GRIK2: variants seen among roughly 807,000 people sequenced by gnomAD.
GRIK2 encodes the protein glutamate ionotropic receptor kainate type subunit 2, also known as glutamate receptor ionotropic, kainate 2.
In GRIK2, 32 loss-of-function variants were observed where a neutral mutation model predicts 100.3. The observed-to-expected ratio is 0.32, with a 90% CI of 0.24 to 0.43. The LOEUF (loss-of-function observed/expected upper bound fraction) is 0.43. GRIK2 is among the 20% of genes least tolerant of loss of function. GRIK2 has a pLI of 1.00. For missense variants in GRIK2, 843 were observed against 1,114.9 expected, an observed-to-expected ratio of 0.76 and a Z score of 3.47; for synonymous variants, 417 against 389.4, an observed-to-expected ratio of 1.07 and a Z score of -0.83.
intron 2 of GRIK2, among the ~76,000 whole-genome samples, chr6:101,402,799 C>T (rs772783537): frequency 6.6e-6 from 1 of 152,196 alleles, no homozygotes; most frequent in Admixed American, 6.5e-5. Flanking sequence ...GCGGCGGGCA[C>T]AGGGCATCCA....
At chr6:101,437,400 T>G (rs1392170311) in intron 2 of GRIK2, among the ~76,000 whole-genome samples, 1 of 152,122 alleles carries the variant, frequency 6.6e-6, no homozygotes, top group Non-Finnish European at 1.5e-5. Context: ...ACCTCACAAC[T>G]GCCAACAACG....
intron 4 of GRIK2, among the ~76,000 whole-genome samples, chr6:101,665,195 A>G (rs1006703202): frequency 6.6e-6 from 1 of 152,100 alleles, no homozygotes; most frequent in Non-Finnish European, 1.5e-5. Flanking sequence ...GCCCAGCCTC[A>G]ATCATATGAT....
chr6:101,508,606 G>A (rs187475264), intron 2 of GRIK2, among the ~76,000 whole-genome samples: 1 of 152,086 alleles, frequency 6.6e-6, no homozygotes, highest in Non-Finnish European at 1.5e-5. Context: ...TAAGGCAAAT[G>A]CATCAATTCC....
chr6:102,033,249 CTAT>C (rs138072531), intron 14 of GRIK2, among the ~76,000 whole-genome samples: 11,842 of 151,150 alleles, frequency 0.078, 1,567 homozygotes, highest in African/African-American at 0.27. Flanking sequence ...GAAAAAAATT[CTAT>C]TATTCTTTCT....
At chr6:101,990,340 A>C (rs1794288040) in intron 14 of GRIK2, among the ~76,000 whole-genome samples, 1 of 151,706 alleles carries the variant, frequency 6.6e-6, no homozygotes, top group South Asian at 2.1e-4. Context: ...AGACTTGCCC[A>C]AAGTCATACA....
At chr6:101,574,053 T>C (rs1777679566) in intron 2 of GRIK2, among the ~76,000 whole-genome samples, 1 of 151,746 alleles carries the variant, frequency 6.6e-6, no homozygotes, top group Non-Finnish European at 1.5e-5. Flanking sequence ...TAATTTATAC[T>C]GAGAATAGAA....
At chr6:101,635,347 A>T (rs185642378) in intron 4 of GRIK2, among the ~76,000 whole-genome samples, 1 of 151,496 alleles carries the variant, frequency 6.6e-6, no homozygotes, top group Non-Finnish European at 1.5e-5. Flanking sequence ...TTTAGAAAAA[A>T]GTTAACTCAA....
At chr6:101,771,928 T>C (rs1405003209) in intron 7 of GRIK2, among the ~76,000 whole-genome samples, 1 of 152,148 alleles carries the variant, frequency 6.6e-6, no homozygotes, top group African/African-American at 2.4e-5. Context: ...TAATCCCGTC[T>C]ATCATTGTTG....
intron 4 of GRIK2, among the ~76,000 whole-genome samples, chr6:101,661,566 T>A (rs1184154118): frequency 6.6e-6 from 1 of 152,096 alleles, no homozygotes; most frequent in Non-Finnish European, 1.5e-5. Context: ...CTCAAATGGC[T>A]GCCCAGTTTT....
chr6:101,705,707 A>G (rs550413737), intron 7 of GRIK2, among the ~76,000 whole-genome samples: 2 of 152,028 alleles, frequency 1.3e-5, no homozygotes, highest in East Asian at 3.9e-4. Flanking sequence ...ATATGCTATC[A>G]ATGTAAAACA....
At chr6:101,614,763 A>G (rs1779821572) in intron 2 of GRIK2, among the ~76,000 whole-genome samples, 1 of 151,724 alleles carries the variant, frequency 6.6e-6, no homozygotes, top group African/African-American at 2.4e-5. Flanking sequence ...GCCATTTAGA[A>G]CATCAGTTTC....
intron 9 of GRIK2, among the ~76,000 whole-genome samples, chr6:101,816,459 A>G (rs1214923932): frequency 6.6e-6 from 1 of 152,164 alleles, no homozygotes; most frequent in African/African-American, 2.4e-5. Context: ...AGGCAGGCGG[A>G]CCATGAGGTC....
At chr6:101,968,688 C>G (rs1365684881) in intron 14 of GRIK2, among the ~76,000 whole-genome samples, 2 of 151,994 alleles carry the variant, frequency 1.3e-5, no homozygotes, top group Admixed American at 1.3e-4. Context: ...TCCTTTCACA[C>G]TTGCACTTCT....
chr6:101,940,829 A>C (rs1258890738), intron 14 of GRIK2, among the ~76,000 whole-genome samples: 1 of 152,214 alleles, frequency 6.6e-6, no homozygotes, highest in Non-Finnish European at 1.5e-5. Flanking sequence ...CATGTAATAC[A>C]TCTAGTGCAC....
At chr6:101,715,174 T>G in intron 7 of GRIK2, among the ~76,000 whole-genome samples, 1 of 151,974 alleles carries the variant, frequency 6.6e-6, no homozygotes, top group Admixed American at 6.6e-5. Context: ...GAAACGTCAT[T>G]AAAATGTTTA....
intron 7 of GRIK2, among the ~76,000 whole-genome samples, chr6:101,688,249 A>G (rs902901120): frequency 5.3e-5 from 8 of 151,464 alleles, no homozygotes; most frequent in Non-Finnish European, 1.0e-4. Flanking sequence ...TATCAGCACA[A>G]TTTTACACTT....
chr6:101,655,691 T>C (rs974469103), intron 4 of GRIK2, among the ~76,000 whole-genome samples: 1 of 152,148 alleles, frequency 6.6e-6, no homozygotes, highest in African/African-American at 2.4e-5. Flanking sequence ...CAATGGACCA[T>C]AGACATGTAC....
Position 101,986,487 on chromosome 6 carries a change from C to G in GRIK2, c.2086-48854C>G, listed in dbSNP as rs942656278. On this transcript the variant is annotated intron_variant, in intron 14 of 16. Transcript: ENST00000369134. Reference sequence around the variant, plus strand: ...TGCATAGTTTGAACGTGACAGCTCTCTTTTTTAATTGCATTAGCTTTGACA... The same window carrying G: ...TGCATAGTTTGAACGTGACAGCTCTGTTTTTTAATTGCATTAGCTTTGACA... Among the ~76,000 whole-genome samples, 4 of 151,786 alleles carry G rather than the reference C, an allele frequency of 2.6e-5. 1 individual carries two copies. Among genetic ancestry groups the G allele is most frequent in the African/African-American group, 9.7e-5 (4 of 41,398 alleles).
intron 11 of GRIK2, among the ~76,000 whole-genome samples, chr6:101,884,055 G>A (rs1786449825): frequency 6.6e-6 from 1 of 152,124 alleles, no homozygotes; most frequent in Non-Finnish European, 1.5e-5. Context: ...TTCAGGCAAT[G>A]TGACTAGGTT....
Sources: allele counts gnomAD v4.1 joint callset (sites outside exome capture counted in the v4.1 genomes callset), GRCh38; gene constraint gnomAD v4.1.1; transcripts MANE v1.5; gene names NCBI Gene and HGNC (gene_info 2026-07-23, HGNC 2026-07-21).